Variants in PDE11A observed in about 807,000 individuals in gnomAD.
PDE11A encodes the protein phosphodiesterase 11A.
PDE11A carries 100 observed loss-of-function variants against 100.5 expected under a neutral mutation model. The observed-to-expected ratio is 1.00, with a 90% CI of 0.85 to 1.18. The LOEUF is 1.18. Ranked by LOEUF, PDE11A falls within the 50% of genes most tolerant of loss-of-function variation. The pLI is 0.00. For synonymous variants in PDE11A, 381 were observed against 420.8 expected, an observed-to-expected ratio of 0.91 and a Z score of 1.16; for missense variants, 1,141 against 1,152.6, an observed-to-expected ratio of 0.99 and a Z score of 0.15.
At chr2:177,704,594 C>T (rs1036646139) in intron 13 of PDE11A, among the ~76,000 whole-genome samples, 1 of 151,722 alleles carries the variant, frequency 6.6e-6, no homozygotes, top group South Asian at 2.1e-4. Flanking sequence ...ATAAATAAAA[C>T]ATATCTGTGA....
At chr2:177,645,134 G>A (rs548712390) in intron 19 of PDE11A, among the ~76,000 whole-genome samples, 10 of 152,302 alleles carry the variant, frequency 6.6e-5, no homozygotes, top group South Asian at 2.1e-4. Context: ...ACTTGACTAC[G>A]GCAGCCATGT....
intron 9 of PDE11A, among the ~76,000 whole-genome samples, chr2:177,795,617 C>A (rs1320495651): frequency 6.6e-6 from 1 of 152,042 alleles, no homozygotes; most frequent in Non-Finnish European, 1.5e-5. Flanking sequence ...GGCCTCTCCT[C>A]TTTCCACTGG....
At chr2:177,957,917 T>TTTTTTTTTTTTTTTTTTG (rs1559023576) in intron 2 of PDE11A, among the ~76,000 whole-genome samples, 1 of 147,570 alleles carries the variant, frequency 6.8e-6, no homozygotes, top group Non-Finnish European at 1.5e-5. Context: ...TGCCTTTTTT[T>TTTTTTTTTTTTTTTTTTG]TGAGACGGAG....
At chr2:177,759,898 A>G (rs998661797) in intron 10 of PDE11A, among the ~76,000 whole-genome samples, 13 of 152,090 alleles carry the variant, frequency 8.5e-5, no homozygotes, top group African/African-American at 2.4e-5. Flanking sequence ...TCAGCCAACA[A>G]TTCTGTCTTT....
chr2:178,075,115 G>A (rs2087190351), upstream of PDE11A, among the ~76,000 whole-genome samples: 1 of 152,176 alleles, frequency 6.6e-6, no homozygotes, highest in Admixed American at 6.5e-5. Flanking sequence ...GACAGAAACA[G>A]TGAAGAAACC....
intron 5 of PDE11A, among the ~76,000 whole-genome samples, chr2:177,864,896 T>C (rs1449051809): frequency 2.0e-5 from 3 of 152,208 alleles, no homozygotes; most frequent in Non-Finnish European, 4.4e-5. Context: ...CATTTTCCAG[T>C]GGTCATTCAC....
chr2:177,757,763 T>TG lies in PDE11A; in HGVS notation c.1788+11559dup, dbSNP rs532309526. 4.6e-5 allele frequency among the ~76,000 whole-genome samples: 7 copies of TG among 152,218 alleles called. No individual in the cohort carries two copies. In the East Asian group the frequency reaches 1.4e-3, roughly 30 times the overall value. ...TCAGAGCCAGTATGAGGCCAGATGC[T>TG]GGGGCCCCCAGCCTGGGGGGATGAG... is the stretch of plus-strand genomic sequence containing the variant. On this transcript the variant is annotated intron_variant, in intron 10 of 19. Coordinates refer to ENST00000286063, the MANE Select transcript of PDE11A (RefSeq NM_016953.4).
At chr2:177,799,666 T>C (rs866666937) in intron 9 of PDE11A, among the ~76,000 whole-genome samples, 5 of 152,202 alleles carry the variant, frequency 3.3e-5, no homozygotes, top group African/African-American at 1.2e-4. Flanking sequence ...CCATGCTTTA[T>C]CTCCACCCCC....
chr2:177,723,888 A>C (rs182037104), intron 12 of PDE11A, among the ~76,000 whole-genome samples: 6 of 152,270 alleles, frequency 3.9e-5, no homozygotes, highest in Admixed American at 3.9e-4. Context: ...ACAGAATACA[A>C]ACAAAAGCAG....
chr2:178,065,805 G>A (rs1361638258), intron 1 of PDE11A, among the ~76,000 whole-genome samples: 1 of 152,036 alleles, frequency 6.6e-6, no homozygotes, highest in Non-Finnish European at 1.5e-5. Flanking sequence ...GCTCATCAGG[G>A]AACGAAGCAC....
chr2:177,896,627 T>C (rs183827611), intron 4 of PDE11A, among the ~76,000 whole-genome samples: 44 of 152,294 alleles, frequency 2.9e-4, no homozygotes, highest in African/African-American at 1.1e-3. Flanking sequence ...TGAGCACCCC[T>C]ACCACTTCCC....
chr2:177,883,687 C>T (rs2105707772), intron 4 of PDE11A, among the ~76,000 whole-genome samples: 1 of 152,222 alleles, frequency 6.6e-6, no homozygotes. Flanking sequence ...TTTAACTGAA[C>T]ATAATTCAAT....
chr2:177,906,432 T>C (rs182472491), intron 2 of PDE11A, among the ~76,000 whole-genome samples: 1 of 152,284 alleles, frequency 6.6e-6, no homozygotes, highest in African/African-American at 2.4e-5. Context: ...GCAATTCACA[T>C]TCCCTATCGC....
chr2:177,897,448 G>T (rs2084628092), intron 4 of PDE11A, among the ~76,000 whole-genome samples: 1 of 152,100 alleles, frequency 6.6e-6, no homozygotes, highest in African/African-American at 2.4e-5. Context: ...CCCTTCACCT[G>T]GTAAGGCTAC....
chr2:177,837,934 A>C (rs1430993184), intron 6 of PDE11A, among the ~76,000 whole-genome samples: 2 of 152,224 alleles, frequency 1.3e-5, no homozygotes, highest in African/African-American at 4.8e-5. Context: ...AAGTATGTTT[A>C]AAGGACCTTT....
At chr2:177,668,348 C>T (rs896340305) in intron 18 of PDE11A, among the ~76,000 whole-genome samples, 1 of 152,122 alleles carries the variant, frequency 6.6e-6, no homozygotes, top group African/African-American at 2.4e-5. Flanking sequence ...GTAGATATGA[C>T]AGAATTTGGG....
chr2:177,925,488 G>A (rs935198145), intron 2 of PDE11A, among the ~76,000 whole-genome samples: 2 of 152,118 alleles, frequency 1.3e-5, no homozygotes. Flanking sequence ...CAGTGATGAT[G>A]AGCATTTTTT....
intron 10 of PDE11A, among the ~76,000 whole-genome samples, chr2:177,766,603 G>C (rs187451773): frequency 7.2e-4 from 110 of 152,314 alleles, no homozygotes; most frequent in African/African-American, 1.8e-3. Context: ...TACAATGTTA[G>C]AAAACTGCCA....
chr2:177,896,640 TC>T (rs2084616496), intron 4 of PDE11A, among the ~76,000 whole-genome samples: 1 of 152,200 alleles, frequency 6.6e-6, no homozygotes, highest in Non-Finnish European at 1.5e-5. Flanking sequence ...CACTTCCCGT[TC>T]CTTTAAGGGG....
Sources: gnomAD v4.1 joint callset for allele counts (sites outside exome capture counted in the v4.1 genomes callset) on GRCh38, gnomAD v4.1.1 for gene constraint, MANE v1.5 for transcripts, NCBI Gene and HGNC (gene_info 2026-07-23, HGNC 2026-07-21) for gene names.